Variants in GPC5 observed in about 807,000 individuals in gnomAD.
GPC5 encodes glypican 5, also known as glypican-5.
In GPC5, 47 loss-of-function variants were observed where a neutral mutation model predicts 53.9. The observed-to-expected ratio is 0.87, with a 90% CI of 0.69 to 1.11. GPC5 has a LOEUF of 1.11. Ranked by LOEUF, GPC5 falls within the 50% of genes most tolerant of loss-of-function variation. The pLI, the probability that GPC5 is intolerant of heterozygous loss-of-function variation, is 0.00. For missense variants in GPC5, 748 were observed against 713.1 expected, an observed-to-expected ratio of 1.05 and a Z score of -0.56; for synonymous variants, 286 against 263.3, an observed-to-expected ratio of 1.09 and a Z score of -0.84.
chr13:92,389,674 A>T (rs1175198484), intron 7 of GPC5, among the ~76,000 whole-genome samples: 1 of 152,168 alleles, frequency 6.6e-6, no homozygotes, highest in Admixed American at 6.6e-5. Flanking sequence ...ACTATGGAAC[A>T]GAAAAGCCCA....
At chr13:91,740,129 A>G (rs541245374) in intron 4 of GPC5, among the ~76,000 whole-genome samples, 1 of 152,196 alleles carries the variant, frequency 6.6e-6, no homozygotes, top group Non-Finnish European at 1.5e-5. Context: ...GCTTTTACCT[A>G]AAAGCACTCC....
At chr13:91,640,658 A>G (rs1642150536) in intron 2 of GPC5, among the ~76,000 whole-genome samples, 1 of 152,120 alleles carries the variant, frequency 6.6e-6, no homozygotes. Context: ...AAATGATTCT[A>G]TTATAAAGAT....
intron 6 of GPC5, among the ~76,000 whole-genome samples, chr13:92,109,521 A>G (rs1195255825): frequency 5.3e-5 from 8 of 152,162 alleles, no homozygotes; most frequent in Admixed American, 5.2e-4. Context: ...GTGACTATCT[A>G]AAATTCTTTT....
At chr13:92,486,103 A>G (rs1879543249) in intron 7 of GPC5, among the ~76,000 whole-genome samples, 1 of 152,222 alleles carries the variant, frequency 6.6e-6, no homozygotes, top group African/African-American at 2.4e-5. Context: ...CAACTGTCAC[A>G]TGCTCCATCA....
At position 91,991,316 on chromosome 13, in the gene GPC5, G is replaced by T. The variant is rs145854624; in HGVS notation, c.1401+83259G>T. Among the ~76,000 whole-genome samples, 822 of 152,284 alleles carry T rather than the reference G, an allele frequency of 5.4e-3. 14 individuals carry two copies. Among genetic ancestry groups the T allele is most frequent in the African/African-American group, 0.019 (791 of 41,542 alleles). On this transcript the variant is annotated intron_variant, in intron 6 of 7. Coordinates refer to ENST00000377067, the MANE Select transcript of GPC5 (RefSeq NM_004466.6). ...TTCGATGACTCTGTCTTGCAAGAAAGATTGCAATTTCTTTGCTGTCAGAGA... is the reference window on the plus strand; with the variant it reads ...TTCGATGACTCTGTCTTGCAAGAAATATTGCAATTTCTTTGCTGTCAGAGA...
intron 2 of GPC5, among the ~76,000 whole-genome samples, chr13:91,628,940 CAG>C (rs1213707365): frequency 1.3e-5 from 2 of 152,084 alleles, no homozygotes; most frequent in African/African-American, 4.8e-5. Context: ...CACTGGGATG[CAG>C]AGAGTTAGAT....
intron 1 of GPC5, among the ~76,000 whole-genome samples, chr13:91,423,312 G>A (rs1456110865): frequency 6.6e-6 from 1 of 152,134 alleles, no homozygotes; most frequent in Non-Finnish European, 1.5e-5. Context: ...CTTTGTGGCT[G>A]TTTTTATTAT....
chr13:92,224,946 A>G lies in GPC5; in HGVS notation c.1561+79957A>G, dbSNP rs78613831. Among the ~76,000 whole-genome samples, 820 of 152,342 alleles carry G rather than the reference A, an allele frequency of 5.4e-3. 7 individuals carry two copies. The highest frequency in any genetic ancestry group is 0.019 in the African/African-American group (786 of 41,580). On this transcript the variant is annotated intron_variant, in intron 7 of 7. Coordinates refer to ENST00000377067, the MANE Select transcript of GPC5 (RefSeq NM_004466.6). ...AGTACAGCTGTATACTGAGTCCTAT[A>G]GTCCTAGCAAATCACCAAGCCTGGA... is the stretch of plus-strand genomic sequence containing the variant.
intron 7 of GPC5, among the ~76,000 whole-genome samples, chr13:92,246,734 A>AC (rs2139123181): frequency 6.6e-6 from 1 of 152,284 alleles, no homozygotes; most frequent in South Asian, 2.1e-4. Context: ...ACGGGCTATG[A>AC]AAGCATGCTT....
intron 6 of GPC5, among the ~76,000 whole-genome samples, chr13:92,138,376 T>A (rs1378501892): frequency 6.6e-6 from 1 of 151,662 alleles, no homozygotes; most frequent in Admixed American, 6.6e-5. Flanking sequence ...AAAAATTACC[T>A]GGGCGTGGTG....
chr13:92,631,291 G>A (rs1885228382), intron 7 of GPC5, among the ~76,000 whole-genome samples: 1 of 152,006 alleles, frequency 6.6e-6, no homozygotes, highest in African/African-American at 2.4e-5. Flanking sequence ...AATATTTTAA[G>A]TGTGCAATAT....
At chr13:92,577,776 A>T (rs1466368258) in intron 7 of GPC5, among the ~76,000 whole-genome samples, 4 of 147,520 alleles carry the variant, frequency 2.7e-5, no homozygotes, top group African/African-American at 1.0e-4. Context: ...GCAAGTTTAC[A>T]GAAGAAAAAG....
chr13:91,820,977 C>T (rs9523423), intron 5 of GPC5, among the ~76,000 whole-genome samples: 69,867 of 147,078 alleles, frequency 0.48, 17,030 homozygotes, highest in East Asian at 0.87. Context: ...AAAAAATAAA[C>T]AAATAAAATA....
intron 7 of GPC5, among the ~76,000 whole-genome samples, chr13:92,734,659 G>C (rs564125611): frequency 1.3e-5 from 2 of 151,820 alleles, no homozygotes; most frequent in African/African-American, 4.8e-5. Flanking sequence ...ACACTATTGT[G>C]ATGTTTATTA....
intron 1 of GPC5, among the ~76,000 whole-genome samples, chr13:91,444,593 C>A (rs994205666): frequency 6.6e-6 from 1 of 152,136 alleles, no homozygotes; most frequent in Non-Finnish European, 1.5e-5. Context: ...TATGGCAGCT[C>A]ATTTTATGTT....
intron 7 of GPC5, among the ~76,000 whole-genome samples, chr13:92,838,309 C>G (rs2138829624): frequency 6.6e-6 from 1 of 151,656 alleles, no homozygotes; most frequent in South Asian, 2.1e-4. Context: ...ACCGTGAAAC[C>G]CCGTCTCTAC....
chr13:92,058,800 T>C (rs1412345858), intron 6 of GPC5, among the ~76,000 whole-genome samples: 1 of 152,142 alleles, frequency 6.6e-6, no homozygotes, highest in Non-Finnish European at 1.5e-5. Context: ...CTCCTCAGCC[T>C]CCCAAAGTGC....
chr13:92,299,575 T>C (rs564107266), intron 7 of GPC5, among the ~76,000 whole-genome samples: 7 of 152,330 alleles, frequency 4.6e-5, no homozygotes, highest in Non-Finnish European at 1.0e-4. Context: ...ATTATGTAGA[T>C]AGTGTAAAAA....
At chr13:92,560,907 A>G (rs1160112353) in intron 7 of GPC5, among the ~76,000 whole-genome samples, 1 of 141,128 alleles carries the variant, frequency 7.1e-6, no homozygotes, top group Non-Finnish European at 1.6e-5. Context: ...GTATACATAT[A>G]TCTCCATCCC....
Sources: allele counts gnomAD v4.1 joint callset (sites outside exome capture counted in the v4.1 genomes callset), GRCh38; gene constraint gnomAD v4.1.1; transcripts MANE v1.5; gene names NCBI Gene and HGNC (gene_info 2026-07-23, HGNC 2026-07-21).